The following CNTNAP2 variants were observed in gnomAD, a reference collection of about 807,000 sequenced individuals.
CNTNAP2 encodes the protein contactin associated protein 2, also known as contactin-associated protein-like 2.
CNTNAP2 carries 98 observed loss-of-function variants against 155.2 expected under a neutral mutation model. The observed-to-expected ratio is 0.63, with a 90% CI of 0.54 to 0.75. The LOEUF is 0.75. CNTNAP2 is among the 30% of genes least tolerant of loss of function. CNTNAP2 has a pLI of 0.00. For missense variants in CNTNAP2, 1,727 were observed against 1,688.1 expected, an observed-to-expected ratio of 1.02 and a Z score of -0.40; for synonymous variants, 651 against 631.2, an observed-to-expected ratio of 1.03 and a Z score of -0.47.
chr7:146,911,443 T>A (rs1585153057), intron 3 of CNTNAP2, among the ~76,000 whole-genome samples: 1 of 152,014 alleles, frequency 6.6e-6, no homozygotes, highest in Admixed American at 6.6e-5. Context: ...TAAGAAAATG[T>A]GGCACATATA....
intron 1 of CNTNAP2, among the ~76,000 whole-genome samples, chr7:146,645,761 A>G (rs944657367): frequency 6.6e-6 from 1 of 150,638 alleles, no homozygotes; most frequent in African/African-American, 2.4e-5. Flanking sequence ...GGTCTCAACT[A>G]AGCTACCCAG....
At chr7:148,395,707 A>G (rs1381309548) in intron 22 of CNTNAP2, among the ~76,000 whole-genome samples, 1 of 152,158 alleles carries the variant, frequency 6.6e-6, no homozygotes, top group Non-Finnish European at 1.5e-5. Flanking sequence ...TCCTCTGTGT[A>G]GACGGGCTGC....
Position 146,816,314 on chromosome 7 carries a change from G to A in CNTNAP2, c.209-23397G>A, listed in dbSNP as rs916871631. Among the ~76,000 whole-genome samples, 5 of 152,262 alleles carry A rather than the reference G, an allele frequency of 3.3e-5. No individual in the cohort carries two copies. The South Asian group carries it at 1.0e-3, about 32-fold the overall frequency. ...ATAGTGTGCCTGGGATGAAGGGAAAGGTAGAGAGGAGGCAGAGAAGAAATG... is the reference window on the plus strand; with the variant it reads ...ATAGTGTGCCTGGGATGAAGGGAAAAGTAGAGAGGAGGCAGAGAAGAAATG... On this transcript the variant is annotated intron_variant, in intron 2 of 23. Transcript: ENST00000361727.
intron 11 of CNTNAP2, among the ~76,000 whole-genome samples, chr7:147,527,015 C>CTTTTCTTTTTTTTTTTTTTTTTTTT (rs1562981280): frequency 1.5e-5 from 1 of 65,182 alleles, no homozygotes; most frequent in African/African-American, 7.8e-5. Context: ...ACAGGCATTT[C>CTTTTCTTTTTTTTTTTTTTTTTTTT]TTTTTTTTTT....
chr7:147,299,558 GTTA>G (rs1355040462), intron 8 of CNTNAP2, among the ~76,000 whole-genome samples: 5 of 151,918 alleles, frequency 3.3e-5, no homozygotes, highest in African/African-American at 7.2e-5. Flanking sequence ...CACATGCACA[GTTA>G]TTATTTAGTA....
chr7:146,803,801 G>A (rs1171271880), intron 2 of CNTNAP2, among the ~76,000 whole-genome samples: 4 of 152,200 alleles, frequency 2.6e-5, no homozygotes, highest in Non-Finnish European at 4.4e-5. Context: ...TCCAAGGAAA[G>A]TCTTGGTATA....
In CNTNAP2 at chr7:148,136,025, G is replaced by GGAAGGAAGGAAGGAAAGA. The variant is rs1563211121; in HGVS notation, c.2555-11466_2555-11465insGAAGGAAGGAAGGAAAGA. Among the ~76,000 whole-genome samples, 171 of 30,940 alleles carry GGAAGGAAGGAAGGAAAGA rather than the reference G, an allele frequency of 5.5e-3. 4 individuals carry two copies. Among genetic ancestry groups the GGAAGGAAGGAAGGAAAGA allele is most frequent in the African/African-American group, 0.032 (154 of 4,784 alleles). The allele number at this position is 30,940 out of a possible 152,430, so 20.3% of individuals were successfully genotyped here. Reference sequence around the variant, plus strand: ...GAAGGAAGGAAGGAAGGAAGGGAGGGAGGGAGGGAGGGAGGGAGGGAGGGG... The same window carrying GGAAGGAAGGAAGGAAAGA: ...GAAGGAAGGAAGGAAGGAAGGGAGGGGAAGGAAGGAAGGAAAGAAGGGAGGGAGGGAGGGAGGGAGGGG... On this transcript the variant is annotated intron_variant, in intron 16 of 23. Coordinates refer to ENST00000361727, the MANE Select transcript of CNTNAP2 (RefSeq NM_014141.6).
At chr7:146,705,960 A>G (rs1198979231) in intron 1 of CNTNAP2, among the ~76,000 whole-genome samples, 2 of 152,178 alleles carry the variant, frequency 1.3e-5, no homozygotes, top group African/African-American at 4.8e-5. Context: ...AAGAGACACA[A>G]ACATTCAAAC....
chr7:148,324,794 C>CAAAAAAAAAAAAAAA (rs72157861), intron 21 of CNTNAP2, among the ~76,000 whole-genome samples: 2 of 105,812 alleles, frequency 1.9e-5, no homozygotes, highest in African/African-American at 3.7e-5. Flanking sequence ...GACTCCATCT[C>CAAAAAAAAAAAAAAA]AAAAAAAAAA....
chr7:146,740,704 C>A (rs1470160600), intron 1 of CNTNAP2, among the ~76,000 whole-genome samples: 1 of 152,172 alleles, frequency 6.6e-6, no homozygotes, highest in African/African-American at 2.4e-5. Context: ...AATGCTGGGG[C>A]ATGCCAGAAT....
intron 1 of CNTNAP2, among the ~76,000 whole-genome samples, chr7:146,752,941 A>G (rs975604681): frequency 6.6e-5 from 10 of 152,180 alleles, no homozygotes; most frequent in African/African-American, 2.4e-4. Context: ...AACCTTAATA[A>G]TAATTACAGA....
At chr7:147,293,459 G>T (rs117781162) in intron 8 of CNTNAP2, among the ~76,000 whole-genome samples, 1,864 of 152,098 alleles carry the variant, frequency 0.012, 16 homozygotes, top group Non-Finnish European at 0.02. Context: ...TTGCATAAAA[G>T]GATAATTGAT....
chr7:148,201,042 A>G (rs180731710), intron 18 of CNTNAP2, among the ~76,000 whole-genome samples: 2 of 152,374 alleles, frequency 1.3e-5, no homozygotes, highest in Admixed American at 1.3e-4. Flanking sequence ...ACAGAGGTGC[A>G]GAAATTCATC....
chr7:147,453,538 G>T (rs1459887265), intron 10 of CNTNAP2, among the ~76,000 whole-genome samples: 8 of 152,128 alleles, frequency 5.3e-5, no homozygotes, highest in Non-Finnish European at 8.8e-5. Context: ...ATCACATTCA[G>T]TTCTCACAAC....
rs528311909 is a variant in CNTNAP2, at chr7:146,589,017, G to C, written c.98-185254G>C. Among the ~76,000 whole-genome samples, 24 of 152,198 alleles carry C rather than the reference G, an allele frequency of 1.6e-4. No homozygotes were observed. The South Asian group carries it at 3.9e-3, about 25-fold the overall frequency. On this transcript the variant is annotated intron_variant, in intron 1 of 23. Transcript: ENST00000361727. Reference sequence around the variant, plus strand: ...ATTATTACAGGTCACCTCATTCACTGTCTTTCCTTTTCCTTAGCATCCTTA... The same window carrying C: ...ATTATTACAGGTCACCTCATTCACTCTCTTTCCTTTTCCTTAGCATCCTTA...
In CNTNAP2 at chr7:147,224,984, G is replaced by T. The variant is rs185224332; in HGVS notation, c.1349-75157G>T. The stretch of plus-strand genomic sequence containing the variant: ...ACTGTATCTTATACACTTTTTAAAA[G>T]CAAATCTCCCTTCCTTGTCCAGTAT... On this transcript the variant is annotated intron_variant, in intron 8 of 23. Coordinates refer to ENST00000361727, the MANE Select transcript of CNTNAP2 (RefSeq NM_014141.6). 5.3e-5 allele frequency among the ~76,000 whole-genome samples: 8 copies of T among 152,152 alleles called. No individual in the cohort carries two copies. In the East Asian group the frequency reaches 1.5e-3, roughly 29 times the overall value.
chr7:146,691,789 G>C (rs1166301165), intron 1 of CNTNAP2, among the ~76,000 whole-genome samples: 2 of 152,030 alleles, frequency 1.3e-5, no homozygotes, highest in Non-Finnish European at 2.9e-5. Context: ...TCTATGTCTT[G>C]CAATGGTCAA....
chr7:148,159,041 G>C (rs1805461728), intron 17 of CNTNAP2, among the ~76,000 whole-genome samples: 1 of 152,146 alleles, frequency 6.6e-6, no homozygotes, highest in African/African-American at 2.4e-5. Context: ...CCCACTTTTA[G>C]TATTCCGCAT....
At chr7:146,170,001 T>C (rs1562975698) in intron 1 of CNTNAP2, among the ~76,000 whole-genome samples, 1 of 150,922 alleles carries the variant, frequency 6.6e-6, no homozygotes. Context: ...TTGCTGGATC[T>C]AGACTTCCTT....
Sources: gnomAD v4.1 joint callset for allele counts (sites outside exome capture counted in the v4.1 genomes callset) on GRCh38, gnomAD v4.1.1 for gene constraint, MANE v1.5 for transcripts, NCBI Gene and HGNC (gene_info 2026-07-23, HGNC 2026-07-21) for gene names.